MKLN1: variants seen among roughly 807,000 people sequenced by gnomAD.
The protein encoded by MKLN1 is muskelin.
A neutral mutation model predicts 99.0 loss-of-function variants in MKLN1; 18 were observed. The observed-to-expected ratio is 0.18, with a 90% CI of 0.13 to 0.27. The LOEUF (loss-of-function observed/expected upper bound fraction) is 0.27, where lower values mean the gene tolerates loss of function less well. MKLN1 is among the 10% of genes least tolerant of loss of function. MKLN1 has a pLI of 1.00. For synonymous variants in MKLN1, 288 were observed against 293.2 expected, an observed-to-expected ratio of 0.98 and a Z score of 0.18; for missense variants, 621 against 875.9, an observed-to-expected ratio of 0.71 and a Z score of 3.67.
chr7:131,417,613 G>A (rs1313743888), intron 8 of MKLN1, among the ~76,000 whole-genome samples: 2 of 152,106 alleles, frequency 1.3e-5, no homozygotes, highest in African/African-American at 4.8e-5. Flanking sequence ...AATAGAGATG[G>A]CATATAAAAC....
At chr7:131,419,639 A>C (rs1005493516) in intron 8 of MKLN1, among the ~76,000 whole-genome samples, 1 of 152,184 alleles carries the variant, frequency 6.6e-6, no homozygotes, top group African/African-American at 2.4e-5. Flanking sequence ...GTCTTCATAC[A>C]GGTGATATTC....
chr7:131,311,347 A>T (rs1357325557), intron 3 of MKLN1: 1 of 152,198 alleles, frequency 6.6e-6, no homozygotes, highest in Non-Finnish European at 1.5e-5. Context: ...GCAATTGACA[A>T]GGAAATTTGG....
chr7:131,368,093 A>G (rs1800234893), intron 1 of MKLN1, among the ~76,000 whole-genome samples: 1 of 152,188 alleles, frequency 6.6e-6, no homozygotes, highest in South Asian at 2.1e-4. Flanking sequence ...CTATGGCAAT[A>G]GGCTCTATTA....
chr7:131,294,631 G>A (rs1162840894), intron 3 of MKLN1, among the ~76,000 whole-genome samples: 1 of 152,246 alleles, frequency 6.6e-6, no homozygotes, highest in East Asian at 1.9e-4. Flanking sequence ...GGAGAGCTAG[G>A]GCTGAGGAAG....
rs71966796 is a variant in MKLN1, at chr7:131,233,373, A to AAAATAAATAAATAAAT, written c.-179+30419_-179+30434dup. 4.9e-3 allele frequency among the ~76,000 whole-genome samples: 701 copies of AAAATAAATAAATAAAT among 142,508 alleles called. 5 individuals are homozygous for AAAATAAATAAATAAAT. The highest frequency in any genetic ancestry group is 7.0e-3 in the Non-Finnish European group (461 of 65,926). The allele number at this position is 142,508 out of a possible 152,430, so 93.5% of individuals were successfully genotyped here. A position where few individuals can be genotyped will look rare whatever the true frequency, so the allele number is the denominator to read the frequency against. On this transcript the variant is annotated intron_variant, in intron 3 of 7. Transcript: ENST00000416992. ...TGACAGAAGGAGACCCTGTCTCCAA[A>AAAATAAATAAATAAAT]AAATAAATAAATAAATAAATAAATA...
At chr7:131,111,318 G>C (rs1414656217) in intron 1 of MKLN1, among the ~76,000 whole-genome samples, 1 of 152,146 alleles carries the variant, frequency 6.6e-6, no homozygotes, top group Non-Finnish European at 1.5e-5. Flanking sequence ...TCGGGTTAAA[G>C]GCATTCTTGC....
intron 3 of MKLN1, among the ~76,000 whole-genome samples, chr7:131,321,809 A>C (rs1271655082): frequency 6.6e-6 from 1 of 152,208 alleles, no homozygotes; most frequent in East Asian, 1.9e-4. Flanking sequence ...TCCTCACAAG[A>C]TCAAGAATCA....
intron 3 of MKLN1, among the ~76,000 whole-genome samples, chr7:131,297,090 C>A (rs1163070208): frequency 1.3e-5 from 2 of 151,954 alleles, no homozygotes; most frequent in African/African-American, 4.8e-5. Flanking sequence ...TGGTGGCTCA[C>A]GCCTGTAATC....
chr7:131,345,059 G>A (rs1799516715), intron 1 of MKLN1, among the ~76,000 whole-genome samples: 1 of 152,182 alleles, frequency 6.6e-6, no homozygotes, highest in South Asian at 2.1e-4. Flanking sequence ...ACCCGCCTTG[G>A]CCTCCCAAAG....
At chr7:131,387,293 C>G (rs761961263) in intron 3 of MKLN1, 31 bp downstream of exon 3, 1 of 1,576,334 alleles carries the variant, frequency 6.3e-7, no homozygotes, top group Admixed American at 1.9e-5. Flanking sequence ...AGAGAGCTGT[C>G]TTCTAAACAA....
intron 1 of MKLN1, among the ~76,000 whole-genome samples, chr7:131,134,253 C>G (rs1328856006): frequency 6.6e-6 from 1 of 152,184 alleles, no homozygotes; most frequent in Non-Finnish European, 1.5e-5. Context: ...TCTCATGTCT[C>G]TTTCCTTGCA....
chr7:131,218,829 A>G (rs1797022126), intron 3 of MKLN1, among the ~76,000 whole-genome samples: 1 of 152,186 alleles, frequency 6.6e-6, no homozygotes, highest in Non-Finnish European at 1.5e-5. Flanking sequence ...AAGTTCCTTT[A>G]TCTGCCTGAG....
At chr7:131,173,966 T>C (rs2116340489) in intron 2 of MKLN1, among the ~76,000 whole-genome samples, 1 of 144,370 alleles carries the variant, frequency 6.9e-6, no homozygotes, top group African/African-American at 2.6e-5. Flanking sequence ...AAAGACCTTT[T>C]TCTTTTTCTT....
chr7:131,221,010 A>G (rs562958808), intron 3 of MKLN1, among the ~76,000 whole-genome samples: 4 of 152,360 alleles, frequency 2.6e-5, no homozygotes, highest in South Asian at 2.1e-4. Flanking sequence ...AGTTTCATGC[A>G]TATGAAGTCA....
chr7:131,181,328 G>A (rs929221689), intron 2 of MKLN1, among the ~76,000 whole-genome samples: 3 of 152,166 alleles, frequency 2.0e-5, no homozygotes, highest in Non-Finnish European at 2.9e-5. Flanking sequence ...AACTATATAT[G>A]CATAAACATG....
chr7:131,458,118 G>A (rs1186014325), intron 12 of MKLN1, among the ~76,000 whole-genome samples: 2 of 152,160 alleles, frequency 1.3e-5, no homozygotes, highest in Non-Finnish European at 2.9e-5. Context: ...GAGAGAAAAA[G>A]CAGATGACCT....
At chr7:131,237,344 C>G (rs1797339272) in intron 3 of MKLN1, among the ~76,000 whole-genome samples, 1 of 152,134 alleles carries the variant, frequency 6.6e-6, no homozygotes, top group African/African-American at 2.4e-5. Context: ...CTGCTTTAGA[C>G]TTAAAGCATG....
Position 131,494,652 on chromosome 7 carries a change from T to C in MKLN1, c.*6924T>C, listed in dbSNP as rs552465173. On this transcript the variant is annotated 3_prime_UTR_variant, in exon 18 of 18. Coordinates refer to ENST00000352689, the MANE Select transcript of MKLN1 (RefSeq NM_013255.5). ...GATCAATTGTAAACAATTTTCTTCC[T>C]TACTTACAAATCATCCGTTCAGAAA... 3 of 152,302 alleles carry C rather than the reference T, an allele frequency of 2.0e-5. No individual in the cohort carries two copies. Among genetic ancestry groups the C allele is most frequent in the South Asian group, 4.1e-4 (2 of 4,822 alleles). 9.4% of individuals were successfully genotyped at this position (152,302 alleles called of 1,614,324 possible).
At chr7:131,221,847 TAA>T (rs1797065478) in intron 3 of MKLN1, among the ~76,000 whole-genome samples, 1 of 150,654 alleles carries the variant, frequency 6.6e-6, no homozygotes, top group South Asian at 2.1e-4. Flanking sequence ...ATGTAACACT[TAA>T]ATAGTTCTTG....
Sources: gnomAD v4.1 joint callset for allele counts (sites outside exome capture counted in the v4.1 genomes callset) on GRCh38, gnomAD v4.1.1 for gene constraint, MANE v1.5 for transcripts, NCBI Gene and HGNC (gene_info 2026-07-23, HGNC 2026-07-21) for gene names.